Variants in PCDHGA2 observed in about 807,000 individuals in gnomAD.
PCDHGA2 encodes the protein protocadherin gamma-A2.
A neutral mutation model predicts 59.2 loss-of-function variants in PCDHGA2; 40 were observed. The observed-to-expected ratio is 0.68, with a 90% CI of 0.52 to 0.88. The LOEUF (loss-of-function observed/expected upper bound fraction) is 0.88, where lower values mean the gene tolerates loss of function less well. PCDHGA2 is among the 40% of genes least tolerant of loss of function. The probability of loss-of-function intolerance (pLI) is 0.00; values close to 1 mark genes in which losing one functional copy is unlikely to be tolerated. For missense variants in PCDHGA2, 1,226 were observed against 1,204.0 expected (o/e 1.02, Z -0.27); for synonymous variants, 560 against 526.0 (o/e 1.06, Z -0.89).
chr5:141,350,936 T>C (rs1561498833), intron 1 of PCDHGA2: 2 of 1,614,102 alleles, frequency 1.2e-6, no homozygotes, highest in Non-Finnish European at 1.7e-6. Context: ...CACCCATATC[T>C]GGATCCGAGT....
chr5:141,457,574 T>C (rs992522039), intron 1 of PCDHGA2, among the ~76,000 whole-genome samples: 2 of 152,238 alleles, frequency 1.3e-5, no homozygotes, highest in Non-Finnish European at 2.9e-5. Context: ...AAAATTTTTC[T>C]CTCCAGTCCT....
intron 1 of PCDHGA2, chr5:141,364,781 C>T (rs754157065): frequency 8.1e-6 from 13 of 1,613,988 alleles, no homozygotes; most frequent in Non-Finnish European, 1.0e-5. Flanking sequence ...TGCAGGGACA[C>T]GGTTAGTGCT....
intron 1 of PCDHGA2, chr5:141,365,549 A>G (rs1763986564): frequency 2.5e-6 from 4 of 1,613,678 alleles, no homozygotes; most frequent in Non-Finnish European, 3.4e-6. Flanking sequence ...CCTATTAACA[A>G]CTAGGGACCT....
rs1423427104 is a variant in PCDHGA2, at chr5:141,417,737, C to T, written c.2424+76342C>T. 5 of 1,407,068 alleles carry T rather than the reference C, an allele frequency of 3.6e-6. No homozygotes were observed. In the African/African-American group the frequency reaches 7.2e-5, roughly 20 times the overall value. 87.2% of individuals were successfully genotyped at this position (1,407,068 alleles called of 1,614,324 possible). ...CCGGCTGCGCAGACCTTGCCCAGCA[C>T]ACCAGATTGCCAGCTCCGAGACCCG... is the stretch of plus-strand genomic sequence containing the variant. On this transcript the variant is annotated intron_variant, in intron 1 of 3. Transcript: ENST00000394576.
intron 1 of PCDHGA2, chr5:141,374,969 G>A (rs200408172): frequency 1.2e-5 from 20 of 1,613,904 alleles, no homozygotes; most frequent in Middle Eastern, 1.6e-4. Flanking sequence ...CTGTTTGAAT[G>A]TTTTGACTGG....
intron 1 of PCDHGA2, chr5:141,418,428 A>G: frequency 6.2e-7 from 1 of 1,613,980 alleles, no homozygotes; most frequent in Non-Finnish European, 8.5e-7. Flanking sequence ...GATGGTGGCA[A>G]ATATCCAGAA....
chr5:141,436,207 A>G (rs544201723), intron 1 of PCDHGA2, among the ~76,000 whole-genome samples: 67 of 152,260 alleles, frequency 4.4e-4, no homozygotes, highest in Non-Finnish European at 7.9e-4. Flanking sequence ...ACATAATAGG[A>G]AAACAAATGA....
At chr5:141,410,722 ATCC>A (rs2154543211) in intron 1 of PCDHGA2, 21 of 1,396,054 alleles carry the variant, frequency 1.5e-5, no homozygotes, top group Non-Finnish European at 2.0e-5. Context: ...TATGTTTAAA[ATCC>A]ATAGCTTTTT....
rs1163353349 is a variant in PCDHGA2, at chr5:141,489,426, G to C, written c.2425-5381G>C. 6.2e-7 allele frequency: 1 copy of C among 1,614,012 alleles called. No homozygotes were observed. The highest frequency in any genetic ancestry group is 1.3e-5 in the African/African-American group (1 of 74,922). ...TAAAGATGACAGATCTGTTGAGCCGGCGGCTGCAATTGGGCTCTGAGGAGA... is the reference window on the plus strand; with the variant it reads ...TAAAGATGACAGATCTGTTGAGCCGCCGGCTGCAATTGGGCTCTGAGGAGA... On this transcript the variant is annotated intron_variant, in intron 1 of 3. Transcript: ENST00000394576. The surrounding 1 kb of genome is among the most constrained non-coding windows in gnomAD (Gnocchi z 4.5).
At chr5:141,421,206 G>A in intron 1 of PCDHGA2, 1 of 1,531,730 alleles carries the variant, frequency 6.5e-7, no homozygotes, top group Non-Finnish European at 8.8e-7. Context: ...AGAAACCGCG[G>A]AATATCGGCT....
In PCDHGA2 at chr5:141,364,723, G is replaced by A. The variant is rs746438679; in HGVS notation, c.2424+23328G>A. On this transcript the variant is annotated intron_variant, in intron 1 of 3. Coordinates refer to ENST00000394576, the MANE Select transcript of PCDHGA2 (RefSeq NM_018915.4). ...TAATCGATATTAATGATAACTTCCC[G>A]CGTTTCCGGGATGAAGAGTTAAAAG... 4 of 1,613,938 alleles carry A rather than the reference G, an allele frequency of 2.5e-6. No homozygotes were observed. The East Asian group carries it at 6.7e-5, about 27-fold the overall frequency.
At chr5:141,508,681 C>T (rs970069) in intron 3 of PCDHGA2, among the ~76,000 whole-genome samples, 26,289 of 151,984 alleles carry the variant, frequency 0.17, 2,539 homozygotes, top group Admixed American at 0.29. Flanking sequence ...CTCCCTTCTC[C>T]CTGCTTCTCC....
intron 1 of PCDHGA2, chr5:141,370,588 A>G (rs766682273): frequency 6.2e-7 from 1 of 1,613,944 alleles, no homozygotes; most frequent in Admixed American, 1.7e-5. Context: ...CCTACTAGGA[A>G]CCTGCGGGTT....
At chr5:141,506,699 C>T (rs758682427) in intron 3 of PCDHGA2, among the ~76,000 whole-genome samples, 2 of 152,094 alleles carry the variant, frequency 1.3e-5, no homozygotes, top group Non-Finnish European at 2.9e-5. Flanking sequence ...GACCCAAACC[C>T]GTTTTTTACT....
intron 1 of PCDHGA2, chr5:141,422,676 A>C (rs1245488589): frequency 6.2e-7 from 1 of 1,606,500 alleles, no homozygotes; most frequent in Admixed American, 1.7e-5. Flanking sequence ...CGGACAGCAA[A>C]CAGAATGCCC....
intron 1 of PCDHGA2, chr5:141,412,915 T>C (rs1167427710): frequency 2.0e-5 from 8 of 407,356 alleles, no homozygotes; most frequent in Non-Finnish European, 2.6e-5. Flanking sequence ...ATGTATCACT[T>C]GGGTGCAGTA....
chr5:141,476,098 G>A lies in PCDHGA2; in HGVS notation c.2425-18709G>A, dbSNP rs1241353656. The A allele has an allele frequency of 4.5e-6, 7 of 1,573,026 alleles. No homozygotes were observed. Among genetic ancestry groups the A allele is most frequent in the Non-Finnish European group, 6.0e-6 (7 of 1,163,102 alleles). ...AGGGACGATCTGGACCCCGCTGAGA[G>A]GAACTGCTTTTGAGTGAGATGGTCC... On this transcript the variant is annotated intron_variant, in intron 1 of 3. Transcript: ENST00000394576. This position sits in a 1 kb window ranked among gnomAD's most constrained non-coding sequence, Gnocchi z 7.6.
intron 1 of PCDHGA2, among the ~76,000 whole-genome samples, chr5:141,448,768 G>T (rs544426582): frequency 2.6e-5 from 4 of 151,750 alleles, no homozygotes; most frequent in Non-Finnish European, 4.4e-5. Context: ...GTGAAACCCC[G>T]TCTGTACTAA....
rs1757939197 is a variant in PCDHGA2 at position 141,347,244 on chromosome 5, C to G, written c.2424+5849C>G. 2.6e-5 allele frequency among the ~76,000 whole-genome samples: 4 copies of G among 151,534 alleles called. No homozygotes were observed. In the South Asian group the frequency reaches 8.3e-4, roughly 31 times the overall value. On this transcript the variant is annotated intron_variant, in intron 1 of 3. Transcript: ENST00000394576. Reference sequence around the variant, plus strand: ...TCACGGCTCACTGCAGCCTTGACCTCGCAGACTCAAGTGATCCTCCCACCT... The same window carrying G: ...TCACGGCTCACTGCAGCCTTGACCTGGCAGACTCAAGTGATCCTCCCACCT...
Sources: gnomAD v4.1 joint callset for allele counts (sites outside exome capture counted in the v4.1 genomes callset) on GRCh38, gnomAD v4.1.1 for gene constraint, Gnocchi (gnomAD v3.1) non-coding constraint, MANE v1.5 for transcripts, NCBI Gene and HGNC (gene_info 2026-07-23, HGNC 2026-07-21) for gene names.